Variants in NDUFA12 observed in about 807,000 individuals in gnomAD.
The protein encoded by NDUFA12 is NADH dehydrogenase [ubiquinone] 1 alpha subcomplex subunit 12.
Under a neutral mutation model 20.3 loss-of-function variants are expected in NDUFA12, and 17 were observed. The ratio of observed to expected loss-of-function variants is 0.84; its 90% CI spans 0.57 to 1.26. The LOEUF is 1.26. Among genes scored for constraint, NDUFA12 ranks in the 50% most tolerant of loss-of-function variants. NDUFA12 has a pLI of 0.00. For missense variants in NDUFA12, 191 were observed against 183.7 expected (o/e 1.04, Z -0.23); for synonymous variants, 72 against 63.6 (o/e 1.13, Z -0.63).
At chr12:94,984,512 A>G (rs1345520682) in intron 3 of NDUFA12, among the ~76,000 whole-genome samples, 1 of 151,150 alleles carries the variant, frequency 6.6e-6, no homozygotes, top group African/African-American at 2.4e-5. Flanking sequence ...CCTGGGCAGT[A>G]AGAGTGAAAC....
At chr12:95,001,333 G>T (rs925789128) in intron 2 of NDUFA12, among the ~76,000 whole-genome samples, 1 of 150,908 alleles carries the variant, frequency 6.6e-6, no homozygotes, top group Non-Finnish European at 1.5e-5. Context: ...AAACAAAAAT[G>T]CTGTGGCCAG....
rs566672011 is a variant in NDUFA12 at position 95,002,147 on chromosome 12, G to A, written c.169+592C>T. 6.6e-5 allele frequency among the ~76,000 whole-genome samples: 10 copies of A among 151,254 alleles called. No individual in the cohort carries two copies. In the South Asian group the frequency reaches 2.1e-3, roughly 32 times the overall value. On this transcript the variant is annotated intron_variant, in intron 2 of 3. Transcript: ENST00000327772. ...TGCCCACATTGGGATTTATCAGCTT[G>A]AAAAATACTCAAGGCTGGACGCAGT...
At chr12:94,982,786 C>T (rs1874286038) in intron 3 of NDUFA12, among the ~76,000 whole-genome samples, 1 of 152,122 alleles carries the variant, frequency 6.6e-6, no homozygotes, top group African/African-American at 2.4e-5. Flanking sequence ...TTTCTAATTC[C>T]TCTCAATCCA....
chr12:94,988,969 T>C (rs1874544146), intron 3 of NDUFA12, among the ~76,000 whole-genome samples: 1 of 152,170 alleles, frequency 6.6e-6, no homozygotes, highest in East Asian at 1.9e-4. Flanking sequence ...TTTCTTAACA[T>C]CTTCCCCTCA....
intron 3 of NDUFA12, among the ~76,000 whole-genome samples, chr12:94,984,625 T>C (rs558211234): frequency 3.4e-5 from 5 of 146,418 alleles, no homozygotes; most frequent in Non-Finnish European, 3.0e-5. Context: ...AACTCTAAGA[T>C]GAACCTGGAA....
In NDUFA12 at chr12:95,001,935, C is replaced by A. The variant is rs187683402; in HGVS notation, c.169+804G>T. 1.8e-4 allele frequency among the ~76,000 whole-genome samples: 28 copies of A among 151,762 alleles called. No homozygotes were observed. In the East Asian group the frequency reaches 5.5e-3, roughly 30 times the overall value. ...GGGCAGGATGCTCTCGATCTCCTGA[C>A]CTCGTGATCCGCCCGCCTCCGCCTC... On this transcript the variant is annotated intron_variant, in intron 2 of 3. Transcript: ENST00000327772.
chr12:94,972,627 G>GCTGAAGC, intron 3 of NDUFA12: 2 of 294,700 alleles, frequency 6.8e-6, no homozygotes, highest in Admixed American at 3.5e-5. Context: ...ACTTTGGGAG[G>GCTGAAGC]ACGAGGTGGG....
At chr12:95,002,894 G>A (rs566141392) in intron 1 of NDUFA12, 73 bp from the exon 2 acceptor site, 8 of 1,273,894 alleles carry the variant, frequency 6.3e-6, no homozygotes, top group South Asian at 3.6e-5. Context: ...AATAAAGTGA[G>A]AGTAACAACT....
chr12:94,998,544 G>A (rs1432520380), intron 2 of NDUFA12, among the ~76,000 whole-genome samples: 5 of 152,112 alleles, frequency 3.3e-5, no homozygotes, highest in South Asian at 2.1e-4. Flanking sequence ...TCAAACTGTC[G>A]CTGTTTGTTG....
chr12:95,002,428 A>AGC (rs1875077536), intron 2 of NDUFA12, among the ~76,000 whole-genome samples: 2 of 29,642 alleles, frequency 6.7e-5, no homozygotes, highest in Admixed American at 1.2e-3. Context: ...GCCGACAGAG[A>AGC]CTCCATCTCA....
intron 2 of NDUFA12, among the ~76,000 whole-genome samples, chr12:94,995,755 A>T (rs1874803020): frequency 6.6e-6 from 1 of 152,186 alleles, no homozygotes; most frequent in South Asian, 2.1e-4. Context: ...ACATGAATGT[A>T]GTTACAAGCA....
rs144860322 is a variant in NDUFA12, at chr12:95,000,577, G to C, written c.169+2162C>G. On this transcript the variant is annotated intron_variant, in intron 2 of 3. Coordinates refer to ENST00000327772, the MANE Select transcript of NDUFA12 (RefSeq NM_018838.5). ...TCATCTTTTAATACAGCTTTAGGAGGCACATATTATTATTATTCTACTTTA... is the reference window on the plus strand; with the variant it reads ...TCATCTTTTAATACAGCTTTAGGAGCCACATATTATTATTATTCTACTTTA... 5.9e-4 allele frequency among the ~76,000 whole-genome samples: 90 copies of C among 152,268 alleles called. 1 individual carries two copies. The highest frequency in any genetic ancestry group is 2.0e-3 in the African/African-American group (85 of 41,554).
At chr12:94,999,742 T>C (rs1311881155) in intron 2 of NDUFA12, among the ~76,000 whole-genome samples, 1 of 152,110 alleles carries the variant, frequency 6.6e-6, no homozygotes, top group African/African-American at 2.4e-5. Flanking sequence ...CATCACTGAT[T>C]ATCAGGAAAA....
intron 3 of NDUFA12, among the ~76,000 whole-genome samples, chr12:94,986,973 G>A (rs1011410389): frequency 8.5e-5 from 13 of 152,084 alleles, no homozygotes; most frequent in African/African-American, 3.1e-4. Flanking sequence ...TACAAATAAT[G>A]AATTAAAGCT....
intron 3 of NDUFA12, among the ~76,000 whole-genome samples, chr12:94,975,782 C>T (rs1413141784): frequency 6.6e-6 from 1 of 152,144 alleles, no homozygotes; most frequent in Admixed American, 6.5e-5. Context: ...GGTATGGTGC[C>T]TCACACCTGT....
chr12:94,994,838 G>A (rs1225456820), intron 2 of NDUFA12, among the ~76,000 whole-genome samples: 2 of 152,096 alleles, frequency 1.3e-5, no homozygotes, highest in East Asian at 1.9e-4. Context: ...CTAGTTGAGG[G>A]GCCTAACCAC....
At chr12:94,989,440 A>G (rs1388323282) in intron 3 of NDUFA12, among the ~76,000 whole-genome samples, 1 of 152,236 alleles carries the variant, frequency 6.6e-6, no homozygotes, top group Admixed American at 6.5e-5. Flanking sequence ...CCAACATCAA[A>G]TTTATTCATG....
intron 3 of NDUFA12, among the ~76,000 whole-genome samples, chr12:94,988,572 T>C (rs566282417): frequency 6.6e-6 from 1 of 152,210 alleles, no homozygotes; most frequent in African/African-American, 2.4e-5. Flanking sequence ...CTTGAAGAGA[T>C]GAATAACTCC....
intron 3 of NDUFA12, among the ~76,000 whole-genome samples, chr12:94,983,247 C>T (rs146301699): frequency 4.1e-4 from 62 of 152,284 alleles, no homozygotes; most frequent in African/African-American, 1.2e-3. Context: ...GGGCCTCCAA[C>T]GATCACTGCC....
Sources: gnomAD v4.1 joint callset for allele counts (sites outside exome capture counted in the v4.1 genomes callset) on GRCh38, gnomAD v4.1.1 for gene constraint, MANE v1.5 for transcripts, NCBI Gene and HGNC (gene_info 2026-07-23, HGNC 2026-07-21) for gene names.